TGFA: variants seen among roughly 807,000 people sequenced by gnomAD.
TGFA encodes the protein protransforming growth factor alpha.
A neutral mutation model predicts 21.7 loss-of-function variants in TGFA; 12 were observed. The observed-to-expected ratio is 0.55, with a 90% CI of 0.35 to 0.90. The LOEUF (loss-of-function observed/expected upper bound fraction) is 0.90, where lower values mean the gene tolerates loss of function less well. TGFA is among the 40% of genes least tolerant of loss of function. The pLI is 0.01. For synonymous variants in TGFA, 79 were observed against 88.1 expected, an observed-to-expected ratio of 0.90 and a Z score of 0.58; for missense variants, 178 against 210.8, an observed-to-expected ratio of 0.84 and a Z score of 0.96.
At chr2:70,463,932 T>A (rs1342247505) in intron 3 of TGFA, among the ~76,000 whole-genome samples, 4 of 152,228 alleles carry the variant, frequency 2.6e-5, no homozygotes, top group African/African-American at 9.6e-5. Context: ...ATCATCATCA[T>A]CGTGCTTTGT....
At chr2:70,474,167 A>G (rs575171985) in intron 2 of TGFA, among the ~76,000 whole-genome samples, 7 of 152,138 alleles carry the variant, frequency 4.6e-5, no homozygotes, top group African/African-American at 1.7e-4. Context: ...GAGACTCCAT[A>G]TTATCTCACC....
chr2:70,504,007 G>A (rs1469339152), intron 2 of TGFA, among the ~76,000 whole-genome samples: 1 of 152,138 alleles, frequency 6.6e-6, no homozygotes, highest in African/African-American at 2.4e-5. Context: ...GACTCTTTTA[G>A]GAAACATCTA....
intron 1 of TGFA, among the ~76,000 whole-genome samples, chr2:70,541,713 C>T (rs1673135582): frequency 6.6e-6 from 1 of 152,074 alleles, no homozygotes; most frequent in African/African-American, 2.4e-5. Context: ...GAGGAGAGTG[C>T]TTGATGAGAT....
chr2:70,500,942 T>C (rs1197561291), intron 2 of TGFA, among the ~76,000 whole-genome samples: 1 of 150,160 alleles, frequency 6.7e-6, no homozygotes, highest in Non-Finnish European at 1.5e-5. Context: ...TATTTTGTTT[T>C]TGTTGCCTGT....
intron 2 of TGFA, among the ~76,000 whole-genome samples, chr2:70,504,958 C>T (rs1671874921): frequency 6.6e-6 from 1 of 152,134 alleles, no homozygotes; most frequent in Admixed American, 6.5e-5. Flanking sequence ...TTCTCTGTGC[C>T]TCAATTTTGC....
intron 1 of TGFA, among the ~76,000 whole-genome samples, chr2:70,525,701 G>A (rs566463207): frequency 2.0e-5 from 3 of 152,178 alleles, no homozygotes; most frequent in East Asian, 1.9e-4. Flanking sequence ...AGGAGTGGAC[G>A]GGGTGGTACT....
chr2:70,547,563 T>G (rs6720937), intron 1 of TGFA, among the ~76,000 whole-genome samples: 2 of 143,304 alleles, frequency 1.4e-5, no homozygotes, highest in African/African-American at 5.3e-5. Flanking sequence ...AAAAAAAACA[T>G]GAAAAACAAA....
intron 1 of TGFA, among the ~76,000 whole-genome samples, chr2:70,516,715 C>T (rs1350883451): frequency 6.6e-6 from 1 of 152,158 alleles, no homozygotes; most frequent in African/African-American, 2.4e-5. Context: ...AGCAGTTGCC[C>T]CCTTGAAGCT....
chr2:70,548,598 G>A (rs1051791452), intron 1 of TGFA, among the ~76,000 whole-genome samples: 1 of 152,170 alleles, frequency 6.6e-6, no homozygotes, highest in East Asian at 1.9e-4. Context: ...AAAGCCAAAC[G>A]TGCTAGGCAT....
At position 70,553,758 on chromosome 2, in the gene TGFA, AG is replaced by A; in HGVS notation, c.9del (p.Ser4ArgfsTer27). The A allele has an allele frequency of 7.7e-7, 1 of 1,292,798 alleles. No homozygotes were observed. The highest frequency in any genetic ancestry group is 9.9e-7 in the Non-Finnish European group (1 of 1,013,320). 80.1% of individuals were successfully genotyped at this position (1,292,798 alleles called of 1,614,324 possible). On this transcript the variant is annotated frameshift_variant, in exon 1 of 6. Coordinates refer to ENST00000295400, the MANE Select transcript of TGFA (RefSeq NM_003236.4). LOFTEE classifies it high-confidence loss of function. ...GCGAACAGGGCGAGCTGTCCAGCCG[AG>A]GGGACCATTTTACGGGCGGGCGGGC... MV[P>X]SAGQLALFAL...
chr2:70,514,423 ATTT>A (rs11354380), intron 2 of TGFA, among the ~76,000 whole-genome samples: 61 of 144,020 alleles, frequency 4.2e-4, no homozygotes, highest in African/African-American at 1.2e-3. Flanking sequence ...AAAAATACCG[ATTT>A]TTTTTTTTTT....
chr2:70,473,752 C>T (rs1670844862), intron 2 of TGFA, among the ~76,000 whole-genome samples: 1 of 152,064 alleles, frequency 6.6e-6, no homozygotes. Flanking sequence ...AACCCAAGAT[C>T]ACTATCTTTT....
intron 1 of TGFA, among the ~76,000 whole-genome samples, chr2:70,545,063 T>C (rs574059587): frequency 6.6e-6 from 1 of 152,316 alleles, no homozygotes; most frequent in African/African-American, 2.4e-5. Flanking sequence ...AGGTCACAGA[T>C]GCTCCATTTA....
chr2:70,528,873 G>T (rs1672721955), intron 1 of TGFA, among the ~76,000 whole-genome samples: 1 of 152,184 alleles, frequency 6.6e-6, no homozygotes, highest in Non-Finnish European at 1.5e-5. Context: ...ATCATAAAAT[G>T]AAGCTACAGC....
intron 2 of TGFA, among the ~76,000 whole-genome samples, chr2:70,496,762 T>C (rs1325335622): frequency 6.6e-6 from 1 of 152,212 alleles, no homozygotes; most frequent in Admixed American, 6.5e-5. Context: ...GTGTCTTGTA[T>C]GCGTCATGCA....
intron 3 of TGFA, among the ~76,000 whole-genome samples, chr2:70,463,658 C>T (rs1269945058): frequency 6.6e-6 from 1 of 152,174 alleles, no homozygotes; most frequent in African/African-American, 2.4e-5. Context: ...AGAGGATTCT[C>T]TCTACTCATA....
chr2:70,509,966 T>C (rs1553500721), intron 2 of TGFA, among the ~76,000 whole-genome samples: 1 of 152,234 alleles, frequency 6.6e-6, no homozygotes, highest in East Asian at 1.9e-4. Flanking sequence ...TTCTAAGCTA[T>C]AGGTGCTGCC....
intron 1 of TGFA, among the ~76,000 whole-genome samples, chr2:70,543,961 C>T (rs1553505532): frequency 6.6e-6 from 1 of 152,074 alleles, no homozygotes; most frequent in Non-Finnish European, 1.5e-5. Flanking sequence ...GAGTTTATTT[C>T]AAGAATTTAA....
intron 2 of TGFA, among the ~76,000 whole-genome samples, chr2:70,513,055 C>G (rs1042060803): frequency 1.3e-5 from 2 of 152,164 alleles, no homozygotes; most frequent in African/African-American, 4.8e-5. Flanking sequence ...CCCAATTTGG[C>G]TTAGAAGAGA....
Sources: gnomAD v4.1 joint callset for allele counts (sites outside exome capture counted in the v4.1 genomes callset) on GRCh38, gnomAD v4.1.1 for gene constraint, MANE v1.5 for transcripts, NCBI Gene and HGNC (gene_info 2026-07-23, HGNC 2026-07-21) for gene names.